Variants in CLPTM1 observed in about 807,000 individuals in gnomAD.
The protein encoded by CLPTM1 is CLPTM1 regulator of GABA type A receptor forward trafficking, also known as putative lipid scramblase CLPTM1.
A neutral mutation model predicts 77.3 loss-of-function variants in CLPTM1; 21 were observed. That is an observed-to-expected ratio of 0.27 (90% CI 0.19 to 0.39). The LOEUF is 0.39. CLPTM1 is among the 10% of genes least tolerant of loss of function. CLPTM1 has a pLI of 1.00. For synonymous variants in CLPTM1, 373 were observed against 381.0 expected (o/e 0.98, Z 0.24); for missense variants, 642 against 921.2 (o/e 0.70, Z 3.92).
chr19:44,985,124 C>G, intron 5 of CLPTM1, 94 bp from the exon 6 acceptor site: 2 of 808,778 alleles, frequency 2.5e-6, no homozygotes, highest in Non-Finnish European at 4.2e-6. Context: ...GCCAGGAGAC[C>G]GTGAGCCGTT....
chr19:44,990,269 C>T lies in CLPTM1; in HGVS notation c.1133-126C>T. On this transcript the variant is annotated intron_variant, in intron 9 of 13. Transcript: ENST00000337392. This position sits in a 1 kb window ranked among gnomAD's most constrained non-coding sequence, Gnocchi z 4.8. ...CCTGGGAGAGAGGGGTCTCGTTCAGCACCCCTCCTGAGGACCCAGCCCCAC... is the reference window on the plus strand; with the variant it reads ...CCTGGGAGAGAGGGGTCTCGTTCAGTACCCCTCCTGAGGACCCAGCCCCAC... The T allele has an allele frequency of 1.1e-6, 1 of 891,960 alleles. No homozygotes were observed. Among genetic ancestry groups the T allele is most frequent in the Non-Finnish European group, 1.7e-6 (1 of 572,164 alleles). The allele number at this position is 891,960 out of a possible 1,614,324, so 55.3% of individuals were successfully genotyped here.
At chr19:44,975,557 T>C (rs754666760) in intron 4 of CLPTM1, among the ~76,000 whole-genome samples, 12 of 151,616 alleles carry the variant, frequency 7.9e-5, no homozygotes, top group Non-Finnish European at 1.8e-4. Flanking sequence ...CATTCTGGTT[T>C]TTTTTTTTGT....
chr19:44,987,026 C>A, intron 7 of CLPTM1, 153 bp from the exon 8 acceptor site: 1 of 1,001,124 alleles, frequency 1.0e-6, no homozygotes, highest in Non-Finnish European at 1.5e-6. Flanking sequence ...GAGGTCAAGG[C>A]ACCCTTTAGC....
chr19:44,992,684 C>T lies in CLPTM1; in HGVS notation c.1797C>T (p.Gly599=). The T allele has an allele frequency of 6.2e-7, 1 of 1,613,890 alleles. No homozygotes were observed. The highest frequency in any genetic ancestry group is 2.2e-5 in the East Asian group (1 of 44,870). ...RVDPTRVNEF[G]MSGEDPTAAA... ...ACCCCACCCGAGTCAACGAGTTTGG[C>T]ATGAGTGGAGAAGACCCCACAGCTG... Residue 599 remains glycine (G), a synonymous_variant, in exon 14 of 14, where the codon GGC becomes GGT. Coordinates refer to ENST00000337392, the MANE Select transcript of CLPTM1 (RefSeq NM_001294.4). This position sits in a 1 kb window ranked among gnomAD's most constrained non-coding sequence, Gnocchi z 7.7.
At position 44,992,082 on chromosome 19, in the gene CLPTM1, A is replaced by G; in HGVS notation, c.1556-151A>G. On this transcript the variant is annotated intron_variant, in intron 12 of 13. Transcript: ENST00000337392. The surrounding 1 kb of genome is among the most constrained non-coding windows in gnomAD (Gnocchi z 7.7). Reference sequence around the variant, plus strand: ...ATGTGACAGAAGGCCCCACCAGTGCAGAGGCCGCTGGTAGAGTGTGCCCAG... The same window carrying G: ...ATGTGACAGAAGGCCCCACCAGTGCGGAGGCCGCTGGTAGAGTGTGCCCAG... The G allele has an allele frequency of 1.4e-6, 1 of 718,604 alleles. No individual in the cohort carries two copies. Among genetic ancestry groups the G allele is most frequent in the South Asian group, 1.8e-5 (1 of 55,400 alleles). 44.5% of individuals were successfully genotyped at this position (718,604 alleles called of 1,614,324 possible). A position where few individuals can be genotyped will look rare whatever the true frequency, so the allele number is the denominator to read the frequency against.
At position 44,986,561 on chromosome 19, in the gene CLPTM1, C is replaced by T. The variant is rs1970981534; in HGVS notation, c.779C>T (p.Pro260Leu). ...HTPWVKGSVP[P>L]PLDQYVKFDA... ...CCGTGGGTGAAGGGCAGTGTGCCCC[C>T]TCCCCTGGATCAATGTAAGCTCCCC... Residue 260 changes from proline (P) to leucine (L), a missense_variant, in exon 7 of 14, where the codon CCT becomes CTT. Pro to Leu is a moderately conservative substitution (Grantham distance 98, BLOSUM62 -3). This residue lies in a region of CLPTM1 where 521 missense variants were observed against 800.4 expected (regional missense o/e 0.65). Transcript: ENST00000337392. The T allele has an allele frequency of 1.9e-6, 3 of 1,613,842 alleles. No individual in the cohort carries two copies. The highest frequency in any genetic ancestry group is 2.5e-6 in the Non-Finnish European group (3 of 1,179,936).
intron 1 of CLPTM1, among the ~76,000 whole-genome samples, chr19:44,960,912 G>A (rs1442624877): frequency 6.6e-6 from 1 of 152,160 alleles, no homozygotes; most frequent in African/African-American, 2.4e-5. Context: ...CTGGGAGGAG[G>A]GGTGAATGAG....
chr19:44,955,183 G>A (rs1208667108), upstream of CLPTM1: 5 of 1,534,818 alleles, frequency 3.3e-6, no homozygotes, highest in South Asian at 3.6e-5. Flanking sequence ...TTTTTATTAG[G>A]TGGAAACAAA....
At chr19:44,974,693 T>G (rs1455464976) in intron 4 of CLPTM1, 96 bp downstream of exon 4, 4 of 1,445,246 alleles carry the variant, frequency 2.8e-6, no homozygotes, top group Non-Finnish European at 3.7e-6. Context: ...CATGTGGAGT[T>G]TGGGCTCCAG....
chr19:44,978,315 G>C (rs960949231), intron 5 of CLPTM1, among the ~76,000 whole-genome samples: 3 of 151,380 alleles, frequency 2.0e-5, no homozygotes, highest in Non-Finnish European at 2.9e-5. Context: ...TGAGGCAGGA[G>C]AATCGCTTGA....
chr19:44,973,032 C>G, intron 2 of CLPTM1, 55 bp from the exon 3 acceptor site: 2 of 1,599,662 alleles, frequency 1.3e-6, no homozygotes, highest in Non-Finnish European at 8.5e-7. Context: ...TCAGGCGGGT[C>G]TATGGCGGAG....
rs964108148 is a variant in CLPTM1 at position 44,991,894 on chromosome 19, G to T, written c.1556-339G>T. Among the ~76,000 whole-genome samples, 9 of 150,622 alleles carry T rather than the reference G, an allele frequency of 6.0e-5. No individual in the cohort carries two copies. Among genetic ancestry groups the T allele is most frequent in the Admixed American group, 6.6e-5 (1 of 15,156 alleles). On this transcript the variant is annotated intron_variant, in intron 12 of 13. Coordinates refer to ENST00000337392, the MANE Select transcript of CLPTM1 (RefSeq NM_001294.4). This position sits in a 1 kb window ranked among gnomAD's most constrained non-coding sequence, Gnocchi z 5.4. Reference sequence around the variant, plus strand: ...CACTCCAGCCTGGGTGACAGAGTGAGACCCTGTCTCAAAAAACAAAAGACC... The same window carrying T: ...CACTCCAGCCTGGGTGACAGAGTGATACCCTGTCTCAAAAAACAAAAGACC...
chr19:44,971,121 G>T (rs960483043), intron 2 of CLPTM1, among the ~76,000 whole-genome samples: 1 of 151,918 alleles, frequency 6.6e-6, no homozygotes, highest in Non-Finnish European at 1.5e-5. Context: ...TTGAGCCACC[G>T]CGCCCGGCCG....
Position 44,992,620 on chromosome 19 carries a change from T to C in CLPTM1, c.1733T>C (p.Phe578Ser). 6.2e-7 allele frequency: 1 copy of C among 1,613,790 alleles called. No homozygotes were observed. The highest frequency in any genetic ancestry group is 8.5e-7 in the Non-Finnish European group (1 of 1,179,910). Reference protein sequence around the residue: ...RIGCLRDDVVFFIYLYQRWIY... With the variant: ...RIGCLRDDVVSFIYLYQRWIY... ...TCCCACCCCTCTCCAGATGTGGTTT[T>C]CTTCATCTACCTCTACCAACGGTGG... The change falls in exon 14 of 14, where the codon TTC becomes TCC. Residue 578 changes from phenylalanine (F) to serine (S), a missense_variant. By Grantham distance (155) the Phe-to-Ser change is radical. Coordinates refer to ENST00000337392, the MANE Select transcript of CLPTM1 (RefSeq NM_001294.4). The surrounding 1 kb of genome is among the most constrained non-coding windows in gnomAD (Gnocchi z 7.7).
At chr19:44,976,517 G>A (rs1216825849) in intron 4 of CLPTM1, among the ~76,000 whole-genome samples, 1 of 152,220 alleles carries the variant, frequency 6.6e-6, no homozygotes, top group Non-Finnish European at 1.5e-5. Context: ...GGGAGAGTGA[G>A]GAGAACACAA....
chr19:44,983,352 G>C (rs1395057048), intron 5 of CLPTM1, among the ~76,000 whole-genome samples: 2 of 152,168 alleles, frequency 1.3e-5, no homozygotes, highest in East Asian at 3.9e-4. Flanking sequence ...CGGGCTCAGT[G>C]GCTCACGCCT....
upstream of CLPTM1, chr19:44,955,040 G>C (rs73558163): frequency 6.5e-6 from 10 of 1,535,572 alleles, no homozygotes; most frequent in Non-Finnish European, 8.7e-6. Context: ...AGAATCGGCA[G>C]GGAGAAGCGG....
intron 2 of CLPTM1, among the ~76,000 whole-genome samples, chr19:44,965,195 AGAGATGTTTACAACAATC>A: frequency 6.6e-6 from 1 of 152,346 alleles, no homozygotes; most frequent in African/African-American, 2.4e-5. Flanking sequence ...ATTGCACAGC[AGAGATGTTTACAACAATC>A]ATCCCGCCAG....
At chr19:44,986,857 T>C in intron 7 of CLPTM1, 1 of 529,496 alleles carries the variant, frequency 1.9e-6, no homozygotes, top group Non-Finnish European at 3.3e-6. Flanking sequence ...CTTGCCAGCT[T>C]TTGAAATTGA....
Sources: gnomAD v4.1 joint callset for allele counts (sites outside exome capture counted in the v4.1 genomes callset) on GRCh38, gnomAD v4.1.1 for gene constraint, gnomAD v4.1.1 regional missense constraint, Gnocchi (gnomAD v3.1) non-coding constraint, MANE v1.5 for transcripts, NCBI Gene and HGNC (gene_info 2026-07-23, HGNC 2026-07-21) for gene names.